The following NRG2 variants were observed in gnomAD, a reference collection of about 807,000 sequenced individuals.
The protein encoded by NRG2 is neuregulin 2, also known as pro-neuregulin-2, membrane-bound isoform.
In NRG2, 27 loss-of-function variants were observed where a neutral mutation model predicts 73.9. That is an observed-to-expected ratio of 0.37 (90% CI 0.27 to 0.50). The LOEUF is 0.50. NRG2 is among the 20% of genes least tolerant of loss of function. NRG2 has a pLI of 0.96. For synonymous variants in NRG2, 532 were observed against 541.0 expected (o/e 0.98, Z 0.23); for missense variants, 1,126 against 1,210.1 (o/e 0.93, Z 1.03).
Position 139,871,769 on chromosome 5 carries a change from T to C in NRG2, c.1064A>G (p.Asn355Ser). Residue 355 changes from asparagine (N) to serine (S), a missense_variant, in exon 4 of 10, where the codon AAT (asparagine) becomes AGT (serine). By Grantham distance (46) the Asn-to-Ser change is conservative (BLOSUM62 1). Around this residue, in one of 3 missense-constraint regions of NRG2, gnomAD observed 539 missense variants for 703.2 expected, o/e 0.77. Transcript: ENST00000361474. ...CNETAKSYCV[N>S]GGVCYYIEGI... ...CTCGATGTAGTAGCAGACGCCTCCATTGACGCAATAGGACTTGGCTGTCTC... is the reference window on the plus strand; with the variant it reads ...CTCGATGTAGTAGCAGACGCCTCCACTGACGCAATAGGACTTGGCTGTCTC... 3 of 1,614,140 alleles carry C rather than the reference T, an allele frequency of 1.9e-6. No individual in the cohort carries two copies. Among genetic ancestry groups the C allele is most frequent in the Non-Finnish European group, 2.5e-6 (3 of 1,180,004 alleles).
chr5:140,002,082 G>C (rs747520103), intron 1 of NRG2, among the ~76,000 whole-genome samples: 3 of 152,082 alleles, frequency 2.0e-5, no homozygotes, highest in Non-Finnish European at 4.4e-5. Flanking sequence ...TACTCAGGAG[G>C]CTGAGGCAGG....
At chr5:139,996,198 A>G (rs1303987272) in intron 1 of NRG2, among the ~76,000 whole-genome samples, 3 of 152,246 alleles carry the variant, frequency 2.0e-5, no homozygotes, top group African/African-American at 7.2e-5. Flanking sequence ...ACTGTTAACA[A>G]ATATAAATGG....
chr5:139,905,682 G>A (rs1765180253), intron 1 of NRG2, among the ~76,000 whole-genome samples: 2 of 148,094 alleles, frequency 1.4e-5, no homozygotes. Context: ...GCCAGCTCTG[G>A]TGGGGGGGGG....
chr5:140,028,116 T>G (rs1760847284), intron 1 of NRG2, among the ~76,000 whole-genome samples: 1 of 152,212 alleles, frequency 6.6e-6, no homozygotes, highest in South Asian at 2.1e-4. Context: ...GATTCTAGAT[T>G]GGGTCCTGGA....
rs568254804 is a variant in NRG2, at chr5:139,862,471, GT to G, written c.1189+3077del. 4.5e-4 allele frequency among the ~76,000 whole-genome samples: 68 copies of G among 152,356 alleles called. 2 individuals are homozygous for G. In the East Asian group the frequency reaches 0.013, roughly 28 times the overall value. ...AGCCAGGGTGGAGTGGCACCACTGA[GT>G]CACCGGAAGGTCCTATTAACCAGAA... On this transcript the variant is annotated intron_variant, in intron 5 of 9. Coordinates refer to ENST00000361474, the MANE Select transcript of NRG2 (RefSeq NM_004883.3).
Position 139,847,016 on chromosome 5 carries a change from G to A in NRG2, c.*901C>T, listed in dbSNP as rs1035728346. Reference sequence around the variant, plus strand: ...GGGGCTAGGAGGCAGCCTGTGAGAAGGAAATGGTGTTACTTTATTGCTAAA... The same window carrying A: ...GGGGCTAGGAGGCAGCCTGTGAGAAAGAAATGGTGTTACTTTATTGCTAAA... On this transcript the variant is annotated 3_prime_UTR_variant, in exon 10 of 10. Coordinates refer to ENST00000361474, the MANE Select transcript of NRG2 (RefSeq NM_004883.3). 1 of 152,260 alleles carries A rather than the reference G, an allele frequency of 6.6e-6. No individual in the cohort carries two copies. Among genetic ancestry groups the A allele is most frequent in the Non-Finnish European group, 1.5e-5 (1 of 68,044 alleles). The allele number at this position is 152,260 out of a possible 1,614,324, so 9.4% of individuals were successfully genotyped here.
chr5:139,888,669 G>A (rs1764026500), intron 1 of NRG2, among the ~76,000 whole-genome samples: 1 of 152,168 alleles, frequency 6.6e-6, no homozygotes. Flanking sequence ...ACCCTGAGCT[G>A]CTGCATATAC....
intron 1 of NRG2, among the ~76,000 whole-genome samples, chr5:140,014,052 A>G (rs773236484): frequency 4.6e-5 from 7 of 151,948 alleles, no homozygotes; most frequent in Non-Finnish European, 7.4e-5. Context: ...ATAGCTTTTA[A>G]TACCACCTAT....
chr5:140,021,197 A>G (rs1298662772), intron 1 of NRG2, among the ~76,000 whole-genome samples: 1 of 152,176 alleles, frequency 6.6e-6, no homozygotes. Context: ...CATTAGCTCT[A>G]TTTTATTGTT....
intron 1 of NRG2, among the ~76,000 whole-genome samples, chr5:140,023,561 G>C (rs1386165147): frequency 6.6e-6 from 1 of 152,052 alleles, no homozygotes; most frequent in Non-Finnish European, 1.5e-5. Flanking sequence ...TCCCCAAATG[G>C]ACTGTAAACC....
Position 140,014,586 on chromosome 5 carries a change from T to A in NRG2, c.700+27784A>T, listed in dbSNP as rs560774724. On this transcript the variant is annotated intron_variant, in intron 1 of 9. Coordinates refer to ENST00000361474, the MANE Select transcript of NRG2 (RefSeq NM_004883.3). ...TTTCTGTCTCACTCTATATTTTATC[T>A]ATCAGGAAGTCTTTTGGGCCTTATC... Among the ~76,000 whole-genome samples, 11 of 152,286 alleles carry A rather than the reference T, an allele frequency of 7.2e-5. No homozygotes were observed. The East Asian group carries it at 2.1e-3, about 29-fold the overall frequency.
chr5:140,002,588 G>A (rs535020454), intron 1 of NRG2, among the ~76,000 whole-genome samples: 1 of 152,318 alleles, frequency 6.6e-6, no homozygotes, highest in East Asian at 1.9e-4. Context: ...GAGAAAGCAG[G>A]AGAACTGAAG....
At chr5:140,038,312 T>C (rs904116020) in intron 1 of NRG2, among the ~76,000 whole-genome samples, 3 of 152,166 alleles carry the variant, frequency 2.0e-5, no homozygotes, top group Non-Finnish European at 4.4e-5. Context: ...ACGGTTGTTT[T>C]ATTTTTGTTT....
rs149665500 is a variant in NRG2 at position 139,954,052 on chromosome 5, G to T, written c.701-66541C>A. Among the ~76,000 whole-genome samples, 1 of 152,158 alleles carries T rather than the reference G, an allele frequency of 6.6e-6. No individual in the cohort carries two copies. The highest frequency in any genetic ancestry group is 2.4e-5 in the African/African-American group (1 of 41,430). Reference sequence around the variant, plus strand: ...CCTGCTCACTGGGAGGCAAGGGGCAGGGTGTGGGGGTGGCTGGAAGCTGAA... The same window carrying T: ...CCTGCTCACTGGGAGGCAAGGGGCATGGTGTGGGGGTGGCTGGAAGCTGAA... On this transcript the variant is annotated intron_variant, in intron 1 of 9. Transcript: ENST00000361474. The surrounding 1 kb of genome is among the most constrained non-coding windows in gnomAD (Gnocchi z 5.0).
chr5:139,901,835 G>C (rs1407127287), intron 1 of NRG2, among the ~76,000 whole-genome samples: 1 of 152,174 alleles, frequency 6.6e-6, no homozygotes, highest in East Asian at 1.9e-4. Flanking sequence ...TGGTAACTTA[G>C]AATCCCCTTC....
intron 1 of NRG2, among the ~76,000 whole-genome samples, chr5:139,910,906 G>A (rs754957707): frequency 7.9e-5 from 12 of 152,150 alleles, no homozygotes; most frequent in Non-Finnish European, 1.3e-4. Flanking sequence ...GCAGAAGGTG[G>A]AAGGGAAGAG....
At chr5:139,979,211 T>A (rs550733850) in intron 1 of NRG2, among the ~76,000 whole-genome samples, 1 of 152,130 alleles carries the variant, frequency 6.6e-6, no homozygotes, top group East Asian at 1.9e-4. Flanking sequence ...TGTGCACATG[T>A]ACCCTAAAAC....
intron 3 of NRG2, among the ~76,000 whole-genome samples, chr5:139,874,190 G>A (rs962143948): frequency 1.3e-5 from 2 of 152,242 alleles, no homozygotes; most frequent in Non-Finnish European, 2.9e-5. Flanking sequence ...TCTAGCACGC[G>A]TGGGCTCCTG....
intron 1 of NRG2, among the ~76,000 whole-genome samples, chr5:140,002,072 T>C (rs950307387): frequency 6.6e-6 from 1 of 152,018 alleles, no homozygotes; most frequent in East Asian, 1.9e-4. Flanking sequence ...TGGTCCCAGC[T>C]ACTCAGGAGG....
Sources: gnomAD v4.1 joint callset for allele counts (sites outside exome capture counted in the v4.1 genomes callset) on GRCh38, gnomAD v4.1.1 for gene constraint, gnomAD v4.1.1 regional missense constraint, Gnocchi (gnomAD v3.1) non-coding constraint, MANE v1.5 for transcripts, NCBI Gene and HGNC (gene_info 2026-07-23, HGNC 2026-07-21) for gene names.